Variants in NTM observed in about 807,000 individuals in gnomAD.
NTM encodes neurotrimin, also known as IgLON family member 2.
Under a neutral mutation model 42.1 loss-of-function variants are expected in NTM, and 13 were observed. That is an observed-to-expected ratio of 0.31 (90% confidence interval 0.20 to 0.49). The LOEUF (loss-of-function observed/expected upper bound fraction) is 0.49, where lower values mean the gene tolerates loss of function less well. Among genes scored for constraint, NTM ranks in the 20% least tolerant of loss-of-function variants. NTM has a pLI of 0.99. For synonymous variants in NTM, 187 were observed against 179.2 expected (o/e 1.04, Z -0.35); for missense variants, 373 against 452.8 (o/e 0.82, Z 1.60).
At chr11:131,724,065 A>C (rs369498935) in intron 1 of NTM, among the ~76,000 whole-genome samples, 1 of 152,186 alleles carries the variant, frequency 6.6e-6, no homozygotes, top group African/African-American at 2.4e-5. Context: ...AACAAGTCAG[A>C]GGAGGGAGGG....
intron 2 of NTM, among the ~76,000 whole-genome samples, chr11:132,141,465 C>T (rs1825878106): frequency 6.6e-6 from 1 of 152,148 alleles, no homozygotes; most frequent in Non-Finnish European, 1.5e-5. Context: ...ATATTCAGGA[C>T]ACAGAGGGTT....
chr11:132,012,801 C>CT (rs780184714), intron 2 of NTM, among the ~76,000 whole-genome samples: 7 of 152,098 alleles, frequency 4.6e-5, no homozygotes, highest in Non-Finnish European at 1.0e-4. Flanking sequence ...GAAGAAGGGG[C>CT]TAGAAGAAGG....
At chr11:131,734,051 T>A (rs1402029847) in intron 1 of NTM, among the ~76,000 whole-genome samples, 2 of 152,230 alleles carry the variant, frequency 1.3e-5, no homozygotes, top group Non-Finnish European at 2.9e-5. Context: ...CAATAGCAAC[T>A]GATGGCAGAC....
chr11:131,596,144 A>G lies in NTM; in HGVS notation c.82+225256A>G, dbSNP rs79913631. On this transcript the variant is annotated intron_variant, in intron 1 of 8. Transcript: ENST00000683400. ...ACGGTATTTAGCTGGAAGACATTCT[A>G]TTAAACTCCGAGGTGCTGTTGACCT... Among the ~76,000 whole-genome samples the G allele has an allele frequency of 2.3e-3, 348 of 152,324 alleles. 2 individuals carry two copies. Among genetic ancestry groups the G allele is most frequent in the African/African-American group, 8.1e-3 (338 of 41,578 alleles).
intron 4 of NTM, among the ~76,000 whole-genome samples, chr11:132,270,650 T>A (rs935566832): frequency 7.1e-5 from 10 of 140,468 alleles, no homozygotes; most frequent in African/African-American, 1.0e-4. Flanking sequence ...TAAATTTATT[T>A]TTATTTTTTT....
chr11:131,932,958 A>G (rs1440816644), intron 2 of NTM, among the ~76,000 whole-genome samples: 2 of 152,198 alleles, frequency 1.3e-5, no homozygotes, highest in Non-Finnish European at 2.9e-5. Flanking sequence ...CAAGCAAATA[A>G]TGGGATTAAT....
chr11:131,885,128 G>A (rs552523426), intron 1 of NTM, among the ~76,000 whole-genome samples: 4 of 152,314 alleles, frequency 2.6e-5, no homozygotes, highest in African/African-American at 9.6e-5. Flanking sequence ...TAGGTCTGCA[G>A]GTCTGTGAAG....
At chr11:131,933,817 G>A (rs942263666) in intron 2 of NTM, among the ~76,000 whole-genome samples, 1 of 152,096 alleles carries the variant, frequency 6.6e-6, no homozygotes, top group East Asian at 1.9e-4. Context: ...GGGTAATTAA[G>A]TAGTCAGAAA....
rs545767970 is a variant in NTM, at chr11:131,896,065, CA to C, written c.83-15498del. ...AAGAGTTGGGTCTTTATGTCATAGG[CA>C]GGGGGAGCCACTGAAACTTCCTACA... On this transcript the variant is annotated intron_variant, in intron 1 of 8. Coordinates refer to ENST00000683400, the MANE Select transcript of NTM (RefSeq NM_001352005.2). Among the ~76,000 whole-genome samples the C allele has an allele frequency of 7.9e-4, 120 of 152,292 alleles. No individual in the cohort carries two copies. The Middle Eastern group carries it at 0.02, about 26-fold the overall frequency.
chr11:131,601,234 G>A (rs988799201), intron 1 of NTM, among the ~76,000 whole-genome samples: 20 of 152,166 alleles, frequency 1.3e-4, no homozygotes, highest in African/African-American at 4.3e-4. Flanking sequence ...GACAGTGGTG[G>A]CAGCGAGGTC....
At chr11:132,209,812 G>C (rs983592700) in intron 3 of NTM, among the ~76,000 whole-genome samples, 3 of 152,146 alleles carry the variant, frequency 2.0e-5, no homozygotes, top group Non-Finnish European at 4.4e-5. Context: ...TCAGCAACAA[G>C]GGCATGGGGA....
At chr11:131,625,853 A>T (rs887184237) in intron 1 of NTM, among the ~76,000 whole-genome samples, 1 of 152,120 alleles carries the variant, frequency 6.6e-6, no homozygotes, top group Admixed American at 6.5e-5. Context: ...TCTGTTCCAC[A>T]TGTGTTTGTG....
intron 3 of NTM, among the ~76,000 whole-genome samples, chr11:132,207,135 G>A (rs906618452): frequency 5.3e-5 from 8 of 152,274 alleles, no homozygotes; most frequent in East Asian, 1.9e-4. Context: ...GCCACATACC[G>A]ATACTGCTCT....
intron 2 of NTM, among the ~76,000 whole-genome samples, chr11:131,915,656 A>G (rs2056194390): frequency 6.6e-6 from 1 of 152,196 alleles, no homozygotes; most frequent in Non-Finnish European, 1.5e-5. Context: ...GGTAATTTAT[A>G]GAGAAAAAGA....
At chr11:131,467,928 G>A (rs1159639778) in intron 1 of NTM, among the ~76,000 whole-genome samples, 1 of 152,150 alleles carries the variant, frequency 6.6e-6, no homozygotes, top group Non-Finnish European at 1.5e-5. Flanking sequence ...GCTCCCTCAT[G>A]TTTCCTCTGT....
chr11:131,564,751 T>C (rs1444085482), intron 1 of NTM, among the ~76,000 whole-genome samples: 1 of 152,204 alleles, frequency 6.6e-6, no homozygotes, highest in Non-Finnish European at 1.5e-5. Flanking sequence ...CCTTAACAAT[T>C]GTGACTTTAA....
In NTM at chr11:131,599,394, A is replaced by ACATGGCC. The variant is rs71067324; in HGVS notation, c.82+228508_82+228514dup. 2.5e-3 allele frequency among the ~76,000 whole-genome samples: 124 copies of ACATGGCC among 50,102 alleles called. 27 individuals are homozygous for ACATGGCC. The highest frequency in any genetic ancestry group is 4.4e-3 in the African/African-American group (112 of 25,490). 32.9% of individuals were successfully genotyped at this position (50,102 alleles called of 152,430 possible). ...TACCCAGTCTCCGGCAGAGCTAGTC[A>ACATGGCC]CATGGCCCTGTATAACCCTATATAA... is the stretch of plus-strand genomic sequence containing the variant. On this transcript the variant is annotated intron_variant, in intron 1 of 8. Transcript: ENST00000683400.
At chr11:132,275,704 A>ATATATATATATGTATATATATACG (rs2093683104) in intron 4 of NTM, among the ~76,000 whole-genome samples, 1 of 126,684 alleles carries the variant, frequency 7.9e-6, no homozygotes, top group Non-Finnish European at 1.7e-5. Flanking sequence ...ATATATATGT[A>ATATATATATATGTATATATATACG]TATATATATG....
intron 1 of NTM, among the ~76,000 whole-genome samples, chr11:131,813,563 G>T (rs991888763): frequency 1.3e-5 from 2 of 152,170 alleles, no homozygotes. Context: ...TTATCTTAAA[G>T]AATGGTTAAG....
Sources: gnomAD v4.1 joint callset for allele counts (sites outside exome capture counted in the v4.1 genomes callset) on GRCh38, gnomAD v4.1.1 for gene constraint, MANE v1.5 for transcripts, NCBI Gene and HGNC (gene_info 2026-07-23, HGNC 2026-07-21) for gene names.